MYO16: variants seen among roughly 807,000 people sequenced by gnomAD.
The protein encoded by MYO16 is unconventional myosin-XVI.
In MYO16, 94 loss-of-function variants were observed where a neutral mutation model predicts 205.3. The ratio of observed to expected loss-of-function variants is 0.46; its 90% confidence interval spans 0.39 to 0.54. The LOEUF is 0.54. Among genes scored for constraint, MYO16 ranks in the 20% least tolerant of loss-of-function variants. MYO16 has a pLI of 0.00. For synonymous variants in MYO16, 988 were observed against 954.0 expected (o/e 1.04, Z -0.66); for missense variants, 2,315 against 2,387.5 (o/e 0.97, Z 0.63).
intron 2 of MYO16, among the ~76,000 whole-genome samples, chr13:108,667,328 T>G (rs1298990125): frequency 3.3e-5 from 5 of 151,272 alleles, no homozygotes; most frequent in Admixed American, 6.6e-5. Flanking sequence ...TTGTTTTTTT[T>G]TTTTTTTTGT....
chr13:108,500,483 C>G, the MYO16 span, among the ~76,000 whole-genome samples: 1 of 152,040 alleles, frequency 6.6e-6, no homozygotes, highest in Admixed American at 6.6e-5. Flanking sequence ...TCGCCTCGGC[C>G]TCCCAAAGTG....
At chr13:108,593,605 T>G (rs1292018343), upstream of MYO16, among the ~76,000 whole-genome samples, 1 of 152,104 alleles carries the variant, frequency 6.6e-6, no homozygotes, top group Non-Finnish European at 1.5e-5. Flanking sequence ...CCCATGACAT[T>G]AGGAAGTTGT....
intron 14 of MYO16, among the ~76,000 whole-genome samples, chr13:108,890,857 G>C (rs1398803330): frequency 6.6e-6 from 1 of 152,102 alleles, no homozygotes; most frequent in Non-Finnish European, 1.5e-5. Context: ...TTTCTTCTCT[G>C]ATCTTAGAAC....
Position 108,957,686 on chromosome 13 carries a change from A to G in MYO16, c.1926-2A>G, listed in dbSNP as rs746628227. On this transcript the variant is annotated splice_acceptor_variant, in intron 16 of 34. Transcript: ENST00000457511. LOFTEE classifies it high-confidence loss of function. ...AACGTTACGTGCCTTGTCTCCTAAC[A>G]GGTATTTGAACCAGACCATACAGGA... 6.2e-7 allele frequency: 1 copy of G among 1,602,508 alleles called. No individual in the cohort carries two copies. The highest frequency in any genetic ancestry group is 8.5e-7 in the Non-Finnish European group (1 of 1,170,170).
At chr13:108,639,772 T>A (rs1409931522) in intron 1 of MYO16, among the ~76,000 whole-genome samples, 3 of 152,054 alleles carry the variant, frequency 2.0e-5, no homozygotes, top group Non-Finnish European at 4.4e-5. Flanking sequence ...CCCACATGGG[T>A]GAAGAGTTTG....
chr13:108,934,231 T>A (rs891686455), intron 16 of MYO16, among the ~76,000 whole-genome samples: 2 of 152,218 alleles, frequency 1.3e-5, no homozygotes, highest in Non-Finnish European at 2.9e-5. Context: ...AGCAAGCCCT[T>A]TTCTCCTCAT....
At chr13:108,886,113 G>A (rs12585142) in intron 13 of MYO16, among the ~76,000 whole-genome samples, 28,661 of 151,752 alleles carry the variant, frequency 0.19, 3,145 homozygotes, top group East Asian at 0.49. Flanking sequence ...TCAGCCTCCC[G>A]AATAGCTGGG....
At chr13:109,093,957 A>G (rs1888699602) in intron 27 of MYO16, among the ~76,000 whole-genome samples, 1 of 152,034 alleles carries the variant, frequency 6.6e-6, no homozygotes, top group African/African-American at 2.4e-5. Flanking sequence ...AGTCACCTAC[A>G]GGATTCTGAG....
chr13:108,855,383 C>A, intron 10 of MYO16, 60 bp from the exon 11 acceptor site: 4 of 995,112 alleles, frequency 4.0e-6, no homozygotes, highest in Non-Finnish European at 2.9e-6. Flanking sequence ...GAACATCCAA[C>A]TGTGAAGAAA....
intron 6 of MYO16, among the ~76,000 whole-genome samples, chr13:108,799,003 C>T (rs563597416): frequency 1.8e-4 from 27 of 150,272 alleles, no homozygotes; most frequent in African/African-American, 5.9e-4. Context: ...CCGCGCCCGG[C>T]CCCCGAGGCT....
rs978423738 is a variant in MYO16 at position 108,741,007 on chromosome 13, A to G, written c.507+13424A>G. 3.3e-5 allele frequency among the ~76,000 whole-genome samples: 5 copies of G among 152,132 alleles called. No homozygotes were observed. The East Asian group carries it at 9.7e-4, about 30-fold the overall frequency. ...AAAGTGCAGTATTAGGGTGGGAGTG[A>G]CCCGATTTTCCAGGTGCTGTCTGTC... On this transcript the variant is annotated intron_variant, in intron 4 of 34. Coordinates refer to ENST00000457511, the MANE Select transcript of MYO16 (RefSeq NM_001198950.3).
chr13:109,032,450 C>A (rs1886575230), intron 23 of MYO16, among the ~76,000 whole-genome samples: 1 of 152,176 alleles, frequency 6.6e-6, no homozygotes, highest in South Asian at 2.1e-4. Context: ...ATCTTCCTAG[C>A]CAGTGAGACA....
At chr13:108,703,126 A>G (rs1334476024) in intron 2 of MYO16, among the ~76,000 whole-genome samples, 1 of 71,660 alleles carries the variant, frequency 1.4e-5, no homozygotes, top group Non-Finnish European at 2.9e-5. Context: ...CTCAAAAGGC[A>G]GAGATTAGCA....
At chr13:109,096,153 C>G (rs934038706) in intron 27 of MYO16, among the ~76,000 whole-genome samples, 2 of 152,150 alleles carry the variant, frequency 1.3e-5, no homozygotes, top group African/African-American at 4.8e-5. Flanking sequence ...TCTCCCAGCT[C>G]TGGAAGTGAG....
At chr13:108,542,369 G>T in the MYO16 span, among the ~76,000 whole-genome samples, 2 of 152,218 alleles carry the variant, frequency 1.3e-5, no homozygotes, top group African/African-American at 4.8e-5. Context: ...CAGGTAATAT[G>T]CTTAGTATCT....
the MYO16 span, among the ~76,000 whole-genome samples, chr13:108,502,459 C>A: frequency 6.6e-6 from 1 of 152,076 alleles, no homozygotes; most frequent in African/African-American, 2.4e-5. Context: ...ATGTAGAAAA[C>A]AGTGAGTTTG....
intron 16 of MYO16, among the ~76,000 whole-genome samples, chr13:108,939,339 C>CG (rs1407285269): frequency 6.6e-6 from 1 of 152,126 alleles, no homozygotes; most frequent in Non-Finnish European, 1.5e-5. Context: ...CTGGGGTCCC[C>CG]GGGGGAAAGG....
At chr13:108,664,608 A>T (rs554120971) in intron 1 of MYO16, among the ~76,000 whole-genome samples, 2 of 152,360 alleles carry the variant, frequency 1.3e-5, no homozygotes, top group Admixed American at 1.3e-4. Context: ...TGGATATGGC[A>T]TATGATCAAC....
At chr13:108,553,806 G>A in the MYO16 span, among the ~76,000 whole-genome samples, 1 of 152,078 alleles carries the variant, frequency 6.6e-6, no homozygotes, top group Non-Finnish European at 1.5e-5. Context: ...TCTTAGCACA[G>A]CCTTCTCAGC....
Sources: allele counts gnomAD v4.1 joint callset (sites outside exome capture counted in the v4.1 genomes callset), GRCh38; gene constraint gnomAD v4.1.1; transcripts MANE v1.5; gene names NCBI Gene and HGNC (gene_info 2026-07-23, HGNC 2026-07-21).